The following PPP6R1 variants were observed in gnomAD, a reference collection of about 807,000 sequenced individuals.
PPP6R1 encodes the protein protein phosphatase 6 regulatory subunit 1, also known as serine/threonine-protein phosphatase 6 regulatory subunit 1.
In PPP6R1, 39 loss-of-function variants were observed where a neutral mutation model predicts 104.6. That is an observed-to-expected ratio of 0.37 (90% CI 0.29 to 0.49). The LOEUF (loss-of-function observed/expected upper bound fraction) is 0.49. PPP6R1 is among the 20% of genes least tolerant of loss of function. The pLI is 0.98. For synonymous variants in PPP6R1, 549 were observed against 479.0 expected, an observed-to-expected ratio of 1.15 and a Z score of -1.91; for missense variants, 1,181 against 1,155.8, an observed-to-expected ratio of 1.02 and a Z score of -0.32.
intron 5 of PPP6R1, 101 bp from the exon 6 acceptor site, chr19:55,242,589 A>C: frequency 1.0e-6 from 1 of 974,802 alleles, no homozygotes; most frequent in Non-Finnish European, 1.6e-6. Flanking sequence ...CCAGGGAAAA[A>C]TGGTCACCCA....
chr19:55,256,327 T>C lies in PPP6R1; in HGVS notation c.-7+2108A>G, dbSNP rs570365215. The stretch of plus-strand genomic sequence containing the variant: ...TTGGGCTGGACGGTTCTTTTCGGTG[T>C]TGGGGCTGCCCATGCACTGGAGGAC... On this transcript the variant is annotated intron_variant, in intron 1 of 23. Transcript: ENST00000412770. 9.7e-4 allele frequency among the ~76,000 whole-genome samples: 148 copies of C among 152,340 alleles called. No homozygotes were observed. In the Middle Eastern group the frequency reaches 0.01, roughly 11 times the overall value.
At chr19:55,249,032 C>CTA (rs1001821871) in intron 1 of PPP6R1, among the ~76,000 whole-genome samples, 1 of 152,172 alleles carries the variant, frequency 6.6e-6, no homozygotes, top group African/African-American at 2.4e-5. Flanking sequence ...TGATATAACA[C>CTA]TATATGGGTC....
At chr19:55,249,841 G>GAA (rs1174291881) in intron 1 of PPP6R1, among the ~76,000 whole-genome samples, 13 of 144,788 alleles carry the variant, frequency 9.0e-5, no homozygotes, top group African/African-American at 3.0e-4. Flanking sequence ...CTCTGTCTCG[G>GAA]AAAAAAAAAA....
intron 1 of PPP6R1, among the ~76,000 whole-genome samples, chr19:55,250,629 T>C (rs2087545589): frequency 6.6e-6 from 1 of 152,184 alleles, no homozygotes; most frequent in African/African-American, 2.4e-5. Context: ...GGATTCAGGA[T>C]GGAGGGCTGT....
intron 10 of PPP6R1, 34 bp from the exon 11 acceptor site, chr19:55,240,334 G>C (rs1472572708): frequency 6.4e-7 from 1 of 1,565,696 alleles, no homozygotes; most frequent in South Asian, 1.2e-5. Flanking sequence ...GCCTGGAGGG[G>C]TGGTCTGCAC....
Position 55,245,992 on chromosome 19 carries a change from A to G in PPP6R1, c.228-314T>C, listed in dbSNP as rs2087504834. On this transcript the variant is annotated intron_variant, in intron 2 of 23. Coordinates refer to ENST00000412770, the MANE Select transcript of PPP6R1 (RefSeq NM_014931.4). The surrounding 1 kb of genome is among the most constrained non-coding windows in gnomAD (Gnocchi z 6.4). ...ATCCCTTTTGCCTCTCAGCGGCTTC[A>G]CTTGCAACCCCGTATGCTGCCCCAG... Among the ~76,000 whole-genome samples the G allele has an allele frequency of 6.6e-6, 1 of 152,006 alleles. No individual in the cohort carries two copies. The highest frequency in any genetic ancestry group is 2.4e-5 in the African/African-American group (1 of 41,366).
intron 17 of PPP6R1, among the ~76,000 whole-genome samples, chr19:55,234,976 C>A (rs2087383456): frequency 6.6e-6 from 1 of 152,144 alleles, no homozygotes; most frequent in African/African-American, 2.4e-5. Context: ...AGGTCCTGCT[C>A]CTGGGTCTGG....
chr19:55,230,683 C>G lies in PPP6R1; in HGVS notation c.2572G>C (p.Ala858Pro). Reference sequence around the variant, plus strand: ...ATCGGAGGAGGCGTGAGGGCCTGGGCACTGTCAGGGGAGAGAGGGGATGTG... The same window carrying G: ...ATCGGAGGAGGCGTGAGGGCCTGGGGACTGTCAGGGGAGAGAGGGGATGTG... ...EPLGLPQSQS[A>P]QALTPPPIPN... Residue 858 changes from alanine to proline, a missense_variant and splice_region_variant, in exon 23 of 24, where the codon GCC (alanine) becomes CCC (proline). Around this residue, in one of 2 missense-constraint regions of PPP6R1, gnomAD observed 1,042 missense variants for 955.6 expected, o/e 1.09. Transcript: ENST00000412770. The G allele has an allele frequency of 6.3e-7, 1 of 1,591,774 alleles. No individual in the cohort carries two copies. Among genetic ancestry groups the G allele is most frequent in the Non-Finnish European group, 8.5e-7 (1 of 1,170,044 alleles).
At chr19:55,248,147 C>A (rs2087525895) in intron 1 of PPP6R1, among the ~76,000 whole-genome samples, 1 of 152,254 alleles carries the variant, frequency 6.6e-6, no homozygotes, top group South Asian at 2.1e-4. Flanking sequence ...AGCCTCCACA[C>A]AGACCTTCCA....
At chr19:55,237,599 G>A (rs1395365968) in intron 15 of PPP6R1, among the ~76,000 whole-genome samples, 1 of 152,134 alleles carries the variant, frequency 6.6e-6, no homozygotes, top group Non-Finnish European at 1.5e-5. Flanking sequence ...GAAAAATTCT[G>A]CCACAAAGAT....
intron 5 of PPP6R1, among the ~76,000 whole-genome samples, chr19:55,243,348 GGCT>G (rs1323389128): frequency 1.3e-5 from 2 of 150,680 alleles, no homozygotes; most frequent in Non-Finnish European, 2.9e-5. Flanking sequence ...GGGAGGTGGA[GGCT>G]GCAGTGAGCC....
chr19:55,239,409 C>T lies in PPP6R1; in HGVS notation c.1747G>A (p.Val583Met). The T allele has an allele frequency of 6.2e-7, 1 of 1,613,192 alleles. No homozygotes were observed. The highest frequency in any genetic ancestry group is 8.5e-7 in the Non-Finnish European group (1 of 1,179,216). Residue 583 changes from valine to methionine, a missense_variant, in exon 15 of 24, where the codon GTG becomes ATG. By Grantham distance (21) the Val-to-Met change is conservative. Coordinates refer to ENST00000412770, the MANE Select transcript of PPP6R1 (RefSeq NM_014931.4). Reference sequence around the variant, plus strand: ...CCCTGCGCAGGAGACACTCACTTCACACTCTCCTCCTGCTCCCCAAACTCC... The same window carrying T: ...CCCTGCGCAGGAGACACTCACTTCATACTCTCCTCCTGCTCCCCAAACTCC... The part of the protein sequence containing the change: ...DEEFGEQEES[V>M]NAPFDKTANI...
chr19:55,235,620 G>A (rs1202249676), intron 17 of PPP6R1, among the ~76,000 whole-genome samples: 20 of 151,016 alleles, frequency 1.3e-4, no homozygotes, highest in Non-Finnish European at 2.1e-4. Context: ...CCGGGTTCAC[G>A]CCATTCTCCT....
chr19:55,228,940 G>A (rs568492598), downstream of PPP6R1: 4 of 590,566 alleles, frequency 6.8e-6, no homozygotes, highest in African/African-American at 5.5e-5. Flanking sequence ...TGGCACTGGG[G>A]GTCCCTCTGC....
chr19:55,230,591 C>A, intron 23 of PPP6R1, 22 bp downstream of exon 23: 1 of 1,612,924 alleles, frequency 6.2e-7, no homozygotes, highest in South Asian at 1.1e-5. Flanking sequence ...CCTACCCAGC[C>A]CGAGGCTGCA....
chr19:55,229,100 G>A (rs966912683), downstream of PPP6R1: 12 of 248,884 alleles, frequency 4.8e-5, no homozygotes, highest in Admixed American at 2.6e-4. Context: ...CGGGAGAGGG[G>A]CTGGCTGGCA....
At chr19:55,251,672 C>T (rs1186416886) in intron 1 of PPP6R1, among the ~76,000 whole-genome samples, 10 of 152,188 alleles carry the variant, frequency 6.6e-5, no homozygotes, top group Non-Finnish European at 1.5e-5. Flanking sequence ...TAGACCTCCT[C>T]AAGGGACCAT....
In PPP6R1 at chr19:55,242,161, C is replaced by T. The variant is rs1309223534; in HGVS notation, c.845+5G>A. The T allele has an allele frequency of 1.2e-6, 2 of 1,611,592 alleles. No individual in the cohort carries two copies. The highest frequency in any genetic ancestry group is 2.2e-5 in the South Asian group (2 of 91,082). ...CATGCATGGTCTGTGGCCCGTATCCCTCACCTCGGCCTCCTGGGCTCCAGC... is the reference window on the plus strand; with the variant it reads ...CATGCATGGTCTGTGGCCCGTATCCTTCACCTCGGCCTCCTGGGCTCCAGC... On this transcript the variant is annotated splice_donor_5th_base_variant and intron_variant, in intron 7 of 23. Transcript: ENST00000412770.
intron 1 of PPP6R1, among the ~76,000 whole-genome samples, chr19:55,254,500 C>T (rs1284513592): frequency 6.6e-6 from 1 of 152,160 alleles, no homozygotes; most frequent in Non-Finnish European, 1.5e-5. Context: ...ACAGAGCCAT[C>T]CCCACTGCTG....
Sources: allele counts gnomAD v4.1 joint callset (sites outside exome capture counted in the v4.1 genomes callset), GRCh38; gene constraint gnomAD v4.1.1; regional missense constraint gnomAD v4.1.1; non-coding constraint Gnocchi (gnomAD v3.1); transcripts MANE v1.5; gene names NCBI Gene and HGNC (gene_info 2026-07-23, HGNC 2026-07-21).